TENM2: variants seen among roughly 807,000 people sequenced by gnomAD.
TENM2 encodes teneurin transmembrane protein 2.
A neutral mutation model predicts 245.2 loss-of-function variants in TENM2; 52 were observed. The observed-to-expected ratio is 0.21, with a 90% CI of 0.17 to 0.27. The LOEUF (loss-of-function observed/expected upper bound fraction) is 0.27. TENM2 is among the 10% of genes least tolerant of loss of function. The pLI is 1.00. For missense variants in TENM2, 3,046 were observed against 3,666.8 expected, an observed-to-expected ratio of 0.83 and a Z score of 4.37; for synonymous variants, 1,363 against 1,438.9, an observed-to-expected ratio of 0.95 and a Z score of 1.19.
the TENM2 span, among the ~76,000 whole-genome samples, chr5:167,180,645 T>G: frequency 6.6e-6 from 1 of 152,058 alleles, no homozygotes; most frequent in Non-Finnish European, 1.5e-5. Flanking sequence ...ACTGGTAACA[T>G]CAGTAGTCAA....
At chr5:168,083,242 C>A (rs890724746) in intron 7 of TENM2, among the ~76,000 whole-genome samples, 2 of 152,208 alleles carry the variant, frequency 1.3e-5, no homozygotes, top group Admixed American at 6.5e-5. Flanking sequence ...GGTGTGGGAC[C>A]CTCTGAGCCA....
intron 2 of TENM2, among the ~76,000 whole-genome samples, chr5:167,720,183 T>A (rs369716831): frequency 1.3e-5 from 2 of 152,292 alleles, no homozygotes; most frequent in South Asian, 4.1e-4. Flanking sequence ...CAGGAAACAC[T>A]GATCTAGTAT....
chr5:168,038,353 C>A (rs1258041739), intron 5 of TENM2, among the ~76,000 whole-genome samples: 1 of 151,834 alleles, frequency 6.6e-6, no homozygotes, highest in Non-Finnish European at 1.5e-5. Flanking sequence ...CACCCAGATC[C>A]TCACCACTTT....
the TENM2 span, among the ~76,000 whole-genome samples, chr5:167,023,051 T>C: frequency 6.6e-6 from 1 of 152,194 alleles, no homozygotes; most frequent in Non-Finnish European, 1.5e-5. Context: ...TAATATGGCC[T>C]CTGGGACTTA....
At chr5:167,104,069 C>T in the TENM2 span, among the ~76,000 whole-genome samples, 2 of 152,072 alleles carry the variant, frequency 1.3e-5, no homozygotes, top group African/African-American at 4.8e-5. Context: ...CTCTGTGCTG[C>T]ATACAAACCC....
At chr5:167,267,623 A>G in the TENM2 span, among the ~76,000 whole-genome samples, 1 of 152,150 alleles carries the variant, frequency 6.6e-6, no homozygotes, top group African/African-American at 2.4e-5. Context: ...ATTTGATACT[A>G]TGTTGGGCAA....
chr5:167,646,655 C>A (rs1779985468), intron 2 of TENM2, among the ~76,000 whole-genome samples: 1 of 151,902 alleles, frequency 6.6e-6, no homozygotes, highest in Non-Finnish European at 1.5e-5. Flanking sequence ...AATGCGTGAA[C>A]CAGACTGGCT....
chr5:167,069,275 G>T, the TENM2 span, among the ~76,000 whole-genome samples: 2 of 151,886 alleles, frequency 1.3e-5, no homozygotes, highest in Non-Finnish European at 2.9e-5. Flanking sequence ...TTTCTATATC[G>T]CTTTCATTTG....
chr5:168,154,158 A>AAAAAC (rs1756924445), intron 12 of TENM2, among the ~76,000 whole-genome samples: 1 of 151,170 alleles, frequency 6.6e-6, no homozygotes, highest in Admixed American at 6.6e-5. Flanking sequence ...AAAAAAAAAA[A>AAAAAC]AAAAAAAACA....
intron 10 of TENM2, among the ~76,000 whole-genome samples, chr5:168,122,412 G>A (rs376103249): frequency 5.9e-5 from 9 of 152,034 alleles, no homozygotes; most frequent in South Asian, 4.1e-4. Context: ...TCCTGACCTC[G>A]TGATCCACCC....
intron 5 of TENM2, among the ~76,000 whole-genome samples, chr5:168,008,593 G>A (rs1030824104): frequency 1.3e-5 from 2 of 152,104 alleles, no homozygotes; most frequent in African/African-American, 4.8e-5. Flanking sequence ...GTGAGGCCCT[G>A]ATGAAAGGGG....
intron 5 of TENM2, among the ~76,000 whole-genome samples, chr5:168,004,279 A>T (rs1784631260): frequency 6.6e-6 from 1 of 152,192 alleles, no homozygotes; most frequent in Non-Finnish European, 1.5e-5. Flanking sequence ...GTGAAGAAAG[A>T]TCCAGTAGTG....
Position 168,244,374 on chromosome 5 carries a change from A to C in TENM2, c.5521-46A>C, listed in dbSNP as rs756604279. The C allele has an allele frequency of 1.4e-5, 20 of 1,430,740 alleles. No individual in the cohort carries two copies. The Admixed American group carries it at 3.9e-4, about 28-fold the overall frequency. 88.6% of individuals were successfully genotyped at this position (1,430,740 alleles called of 1,614,324 possible). On this transcript the variant is annotated intron_variant, in intron 25 of 28. Coordinates refer to ENST00000518659, the Ensembl canonical transcript of TENM2. This position sits in a 1 kb window ranked among gnomAD's most constrained non-coding sequence, Gnocchi z 4.9. ...GTCCTCCACAGAAGCCTGAGCCGGCATGCCTGGGTGATGTCTTTCAAACAA... is the reference window on the plus strand; with the variant it reads ...GTCCTCCACAGAAGCCTGAGCCGGCCTGCCTGGGTGATGTCTTTCAAACAA...
intron 1 of TENM2, among the ~76,000 whole-genome samples, chr5:167,289,853 A>G (rs762610941): frequency 6.6e-6 from 1 of 152,164 alleles, no homozygotes; most frequent in East Asian, 1.9e-4. Flanking sequence ...TAAAATAGCC[A>G]TTTTTCCACT....
Position 167,689,273 on chromosome 5 carries a change from A to C in TENM2, c.503-186713A>C, listed in dbSNP as rs1757271817. On this transcript the variant is annotated intron_variant, in intron 2 of 28. Coordinates refer to ENST00000518659, the Ensembl canonical transcript of TENM2. ...GCCCCAGGCAGCAGCACATTCTAAA[A>C]CAGTGTCAGCCAGGACGCTGGGGGG... 1.3e-5 allele frequency among the ~76,000 whole-genome samples: 2 copies of C among 152,158 alleles called. 1 individual carries two copies. Among genetic ancestry groups the C allele is most frequent in the Admixed American group, 1.3e-4 (2 of 15,278 alleles).
chr5:167,885,952 G>C (rs185821850), intron 3 of TENM2, among the ~76,000 whole-genome samples: 1 of 152,178 alleles, frequency 6.6e-6, no homozygotes, highest in Non-Finnish European at 1.5e-5. Context: ...CAAAGTGCTG[G>C]GATTACAGGC....
intron 12 of TENM2, among the ~76,000 whole-genome samples, chr5:168,149,993 C>T (rs1756496508): frequency 1.3e-5 from 2 of 152,156 alleles, no homozygotes; most frequent in South Asian, 4.1e-4. Context: ...TCAGGGGCTT[C>T]CCTGACCATC....
At position 167,516,170 on chromosome 5, in the gene TENM2, A is replaced by G. The variant is rs557405846; in HGVS notation, c.502+140697A>G. ...ATCGAATATAATCTATTTCTGTAAG[A>G]CACTAGCTACCAAATTCTTACTTGT... On this transcript the variant is annotated intron_variant, in intron 2 of 28. Transcript: ENST00000518659. Among the ~76,000 whole-genome samples, 3 of 152,234 alleles carry G rather than the reference A, an allele frequency of 2.0e-5. No individual in the cohort carries two copies. The East Asian group carries it at 5.8e-4, about 29-fold the overall frequency.
rs187511502 is a variant in TENM2 at position 168,077,862 on chromosome 5, A to G, written c.1516-12712A>G. On this transcript the variant is annotated intron_variant, in intron 7 of 28. Coordinates refer to ENST00000518659, the Ensembl canonical transcript of TENM2. ...TTTGGCTTGGTTGCAAGTCTTTGCT[A>G]TTGTGAATAGTGCTGCAGTAGTCAT... 7.4e-4 allele frequency among the ~76,000 whole-genome samples: 113 copies of G among 152,236 alleles called. 1 individual carries two copies. The highest frequency in any genetic ancestry group is 2.6e-3 in the African/African-American group (106 of 41,532).
Sources: gnomAD v4.1 joint callset for allele counts (sites outside exome capture counted in the v4.1 genomes callset) on GRCh38, gnomAD v4.1.1 for gene constraint, Gnocchi (gnomAD v3.1) non-coding constraint, MANE v1.5 for transcripts, NCBI Gene and HGNC (gene_info 2026-07-23, HGNC 2026-07-21) for gene names.